PDE4B: variants seen among roughly 807,000 people sequenced by gnomAD.
PDE4B encodes 3',5'-cyclic-AMP phosphodiesterase 4B.
PDE4B carries 20 observed loss-of-function variants against 82.2 expected under a neutral mutation model. The ratio of observed to expected loss-of-function variants is 0.24; its 90% confidence interval spans 0.17 to 0.35. PDE4B has a LOEUF of 0.35. PDE4B is among the 10% of genes least tolerant of loss of function. PDE4B has a pLI of 1.00. For missense variants in PDE4B, 655 were observed against 907.2 expected, an observed-to-expected ratio of 0.72 and a Z score of 3.57; for synonymous variants, 320 against 318.9, an observed-to-expected ratio of 1.00 and a Z score of -0.04.
rs1338897927 is a variant in PDE4B at position 66,164,466 on chromosome 1, G to T, written c.282-82994G>T. Among the ~76,000 whole-genome samples, 4 of 146,598 alleles carry T rather than the reference G, an allele frequency of 2.7e-5. No homozygotes were observed. The East Asian group carries it at 8.3e-4, about 30-fold the overall frequency. ...CAGGAGAATTGCTTGAACCCGGGTG[G>T]CTGAGGTTGCAGTGAGCCAAGACTG... On this transcript the variant is annotated intron_variant, in intron 3 of 16. Transcript: ENST00000341517.
intron 3 of PDE4B, among the ~76,000 whole-genome samples, chr1:66,143,118 T>C (rs1260086254): frequency 6.6e-6 from 1 of 152,232 alleles, no homozygotes. Context: ...AGCATCAGTT[T>C]AGTTCAAAAG....
chr1:66,369,083 A>G, intron 16 of PDE4B, 114 bp downstream of exon 16: 2 of 736,032 alleles, frequency 2.7e-6, no homozygotes, highest in South Asian at 2.5e-5. Flanking sequence ...CAATAAGGAG[A>G]CAACTACGCA....
At chr1:65,796,974 A>G (rs985982396) in intron 1 of PDE4B, among the ~76,000 whole-genome samples, 9 of 136,836 alleles carry the variant, frequency 6.6e-5, no homozygotes, top group Non-Finnish European at 9.4e-5. Context: ...TTTTTTTGAG[A>G]TGGAGTCTCG....
At chr1:65,850,876 C>T (rs916946322) in intron 1 of PDE4B, among the ~76,000 whole-genome samples, 2 of 152,044 alleles carry the variant, frequency 1.3e-5, no homozygotes, top group Non-Finnish European at 2.9e-5. Context: ...AAATCTTTAC[C>T]TAGGTAACAA....
chr1:65,873,030 TGGTGCTATGCCA>T (rs1342498977), intron 1 of PDE4B, among the ~76,000 whole-genome samples: 1 of 152,196 alleles, frequency 6.6e-6, no homozygotes, highest in Admixed American at 6.6e-5. Flanking sequence ...TGCCGAGTAC[TGGTGCTATGCCA>T]AAACAAAAAG....
intron 7 of PDE4B, among the ~76,000 whole-genome samples, chr1:66,323,231 A>C (rs782687): frequency 0.99 from 150,692 of 152,240 alleles, 74,577 homozygotes; most frequent in East Asian, 1. Context: ...GTCTGCGTTC[A>C]TGAGCATACT....
At chr1:66,271,203 C>A (rs1655448748) in intron 7 of PDE4B, among the ~76,000 whole-genome samples, 2 of 152,330 alleles carry the variant, frequency 1.3e-5, no homozygotes, top group South Asian at 2.1e-4. Context: ...AAATATAACA[C>A]CCTGCTTATT....
intron 7 of PDE4B, among the ~76,000 whole-genome samples, chr1:66,325,105 C>T (rs1659653017): frequency 6.6e-6 from 1 of 152,134 alleles, no homozygotes; most frequent in Admixed American, 6.6e-5. Context: ...TTATCAAGTA[C>T]TTATTGCACT....
At chr1:66,322,480 A>G (rs1659472278) in intron 7 of PDE4B, among the ~76,000 whole-genome samples, 1 of 152,076 alleles carries the variant, frequency 6.6e-6, no homozygotes, top group South Asian at 2.1e-4. Flanking sequence ...GAAAAAAACA[A>G]CTCCATCAAA....
rs777323198 is a variant in PDE4B at position 66,121,218 on chromosome 1, T to A, written c.282-126242T>A. Among the ~76,000 whole-genome samples, 11 of 150,478 alleles carry A rather than the reference T, an allele frequency of 7.3e-5. No individual in the cohort carries two copies. The South Asian group carries it at 2.4e-3, about 32-fold the overall frequency. The stretch of plus-strand genomic sequence containing the variant: ...GACAAATGCAGGCATAGCATGAGGA[T>A]AATTCAGGGGAAGGAATGAGCACTT... On this transcript the variant is annotated intron_variant, in intron 3 of 16. Coordinates refer to ENST00000341517, the MANE Select transcript of PDE4B (RefSeq NM_002600.4).
chr1:66,094,236 G>A lies in PDE4B; in HGVS notation c.282-153224G>A, dbSNP rs185216061. Among the ~76,000 whole-genome samples, 241 of 152,106 alleles carry A rather than the reference G, an allele frequency of 1.6e-3. 1 individual carries two copies. Among genetic ancestry groups the A allele is most frequent in the Non-Finnish European group, 3.2e-4 (22 of 67,956 alleles). ...GAAATCTCAAATACTGAGACATACAGCATGCTTGGTAGGTTGGAGAAATGA... is the reference window on the plus strand; with the variant it reads ...GAAATCTCAAATACTGAGACATACAACATGCTTGGTAGGTTGGAGAAATGA... On this transcript the variant is annotated intron_variant, in intron 3 of 16. Coordinates refer to ENST00000341517, the MANE Select transcript of PDE4B (RefSeq NM_002600.4).
chr1:65,963,303 A>G (rs2186126), intron 3 of PDE4B, among the ~76,000 whole-genome samples: 10,984 of 152,216 alleles, frequency 0.072, 950 homozygotes, highest in East Asian at 0.43. Context: ...AGGCCTGCCT[A>G]CAAGCCTGCC....
At chr1:66,289,170 A>G (rs1209170077) in intron 7 of PDE4B, among the ~76,000 whole-genome samples, 1 of 152,190 alleles carries the variant, frequency 6.6e-6, no homozygotes. Flanking sequence ...CAGGAGGCTG[A>G]GGCAGGAGGA....
chr1:66,019,806 C>A (rs905750685), intron 3 of PDE4B, among the ~76,000 whole-genome samples: 1 of 152,150 alleles, frequency 6.6e-6, no homozygotes, highest in Admixed American at 6.5e-5. Flanking sequence ...ATAGTGCTAA[C>A]CCAAATCTGA....
At chr1:66,211,336 C>A (rs1052215179) in intron 3 of PDE4B, among the ~76,000 whole-genome samples, 1 of 152,160 alleles carries the variant, frequency 6.6e-6, no homozygotes, top group South Asian at 2.1e-4. Context: ...GTATTTCACA[C>A]CTTTGCCTCT....
At chr1:66,060,642 T>C (rs1655537918) in intron 3 of PDE4B, among the ~76,000 whole-genome samples, 1 of 152,226 alleles carries the variant, frequency 6.6e-6, no homozygotes, top group Admixed American at 6.5e-5. Context: ...TTGTTGAAGT[T>C]AGTATTGCCC....
intron 3 of PDE4B, among the ~76,000 whole-genome samples, chr1:66,049,652 A>G (rs1654907772): frequency 6.6e-6 from 1 of 152,034 alleles, no homozygotes; most frequent in South Asian, 2.1e-4. Flanking sequence ...CCACATATGC[A>G]TGGATTTCCT....
chr1:65,824,258 G>T (rs1359276046), intron 1 of PDE4B, among the ~76,000 whole-genome samples: 1 of 151,978 alleles, frequency 6.6e-6, no homozygotes, highest in African/African-American at 2.4e-5. Flanking sequence ...CATACTTAGT[G>T]TGAAGATAAA....
intron 3 of PDE4B, among the ~76,000 whole-genome samples, chr1:66,100,980 C>A (rs1645210973): frequency 6.6e-6 from 1 of 152,078 alleles, no homozygotes; most frequent in East Asian, 1.9e-4. Context: ...ATCCCTCCAT[C>A]CTCCCCCCAC....
Sources: gnomAD v4.1 joint callset for allele counts (sites outside exome capture counted in the v4.1 genomes callset) on GRCh38, gnomAD v4.1.1 for gene constraint, MANE v1.5 for transcripts, NCBI Gene and HGNC (gene_info 2026-07-23, HGNC 2026-07-21) for gene names.